ZFR: variants seen among roughly 807,000 people sequenced by gnomAD.
The protein encoded by ZFR is zinc finger RNA binding protein, also known as zinc finger RNA-binding protein.
In ZFR, 19 loss-of-function variants were observed where a neutral mutation model predicts 130.7. The observed-to-expected ratio is 0.15, with a 90% CI of 0.10 to 0.21. ZFR has a LOEUF of 0.21. Among genes scored for constraint, ZFR ranks in the 10% least tolerant of loss-of-function variants. The probability of loss-of-function intolerance (pLI) is 1.00; values close to 1 mark genes in which losing one functional copy is unlikely to be tolerated. For missense variants in ZFR, 872 were observed against 1,321.5 expected, an observed-to-expected ratio of 0.66 and a Z score of 5.27; for synonymous variants, 466 against 456.9, an observed-to-expected ratio of 1.02 and a Z score of -0.25.
intron 19 of ZFR, among the ~76,000 whole-genome samples, chr5:32,358,436 G>A (rs1056671770): frequency 5.9e-5 from 9 of 152,168 alleles, no homozygotes; most frequent in Middle Eastern, 3.4e-3. Flanking sequence ...CTAGACTGGC[G>A]CATCACGAGG....
chr5:32,419,784 C>G, intron 3 of ZFR, 37 bp downstream of exon 3: 1 of 1,545,188 alleles, frequency 6.5e-7, no homozygotes, highest in Non-Finnish European at 8.7e-7. Flanking sequence ...CAAAGAAACC[C>G]GCACATTCAG....
intron 2 of ZFR, among the ~76,000 whole-genome samples, chr5:32,435,731 T>C (rs887091749): frequency 6.6e-6 from 1 of 152,228 alleles, no homozygotes; most frequent in African/African-American, 2.4e-5. Context: ...ACCATACTAG[T>C]AGTGTATTTT....
At chr5:32,359,194 AT>A (rs1182106085) in intron 19 of ZFR, among the ~76,000 whole-genome samples, 2 of 152,164 alleles carry the variant, frequency 1.3e-5, no homozygotes, top group Non-Finnish European at 2.9e-5. Context: ...AAACAAAAAA[AT>A]AAAACCAAAA....
At chr5:32,411,714 G>GGGGGGGGGC (rs138920140) in intron 5 of ZFR, among the ~76,000 whole-genome samples, 4 of 54,612 alleles carry the variant, frequency 7.3e-5, no homozygotes, top group Non-Finnish European at 1.3e-4. Flanking sequence ...AATTGAGGGG[G>GGGGGGGGGC]GGCGGGGAAT....
intron 14 of ZFR, 91 bp downstream of exon 14, chr5:32,387,458 C>G: frequency 6.9e-7 from 1 of 1,456,450 alleles, no homozygotes; most frequent in Non-Finnish European, 9.3e-7. Context: ...ATTTTAAAGG[C>G]TGGCTTAGGT....
At chr5:32,416,657 G>C (rs67728262) in intron 4 of ZFR, among the ~76,000 whole-genome samples, 21,337 of 149,480 alleles carry the variant, frequency 0.14, 1,807 homozygotes, top group African/African-American at 0.23. Flanking sequence ...TAGTCAGATA[G>C]TCACTATAAT....
intron 2 of ZFR, among the ~76,000 whole-genome samples, chr5:32,430,348 CTAAT>C (rs1278628859): frequency 2.0e-5 from 3 of 151,978 alleles, no homozygotes; most frequent in Non-Finnish European, 4.4e-5. Context: ...TATTGCATAA[CTAAT>C]TAAACATGGC....
intron 17 of ZFR, among the ~76,000 whole-genome samples, chr5:32,374,355 C>T (rs1222866764): frequency 2.6e-5 from 4 of 151,866 alleles, no homozygotes; most frequent in African/African-American, 9.7e-5. Flanking sequence ...AAAATACAAT[C>T]AGCCAGGCGT....
chr5:32,400,224 TA>T (rs774234156), intron 8 of ZFR, 21 bp from the exon 9 acceptor site: 17 of 1,525,306 alleles, frequency 1.1e-5, no homozygotes, highest in African/African-American at 7.1e-5. Context: ...ATCAAAAAGT[TA>T]AAAAAAATTT....
intron 17 of ZFR, among the ~76,000 whole-genome samples, chr5:32,372,398 G>T (rs1393496577): frequency 6.6e-6 from 1 of 152,102 alleles, no homozygotes; most frequent in African/African-American, 2.4e-5. Context: ...GAGGGCAGGG[G>T]ATATGTGGGA....
chr5:32,420,232 G>C, intron 2 of ZFR, 129 bp from the exon 3 acceptor site: 3 of 1,065,974 alleles, frequency 2.8e-6, no homozygotes, highest in Non-Finnish European at 2.5e-6. Flanking sequence ...GACCACAAAA[G>C]GTCAAGTACT....
chr5:32,404,944 G>C (rs1272718759), intron 6 of ZFR, among the ~76,000 whole-genome samples: 1 of 152,154 alleles, frequency 6.6e-6, no homozygotes, highest in Non-Finnish European at 1.5e-5. Context: ...AGACTCCTGA[G>C]TAGCTGGGAC....
chr5:32,444,594 G>C, intron 1 of ZFR, 28 bp downstream of exon 1: 1 of 1,477,248 alleles, frequency 6.8e-7, no homozygotes, highest in Non-Finnish European at 9.0e-7. Context: ...GGGCCGGGCA[G>C]AGGCCTCGCG....
At chr5:32,401,475 A>G (rs1208780873) in intron 8 of ZFR, among the ~76,000 whole-genome samples, 1 of 152,254 alleles carries the variant, frequency 6.6e-6, no homozygotes, top group East Asian at 1.9e-4. Flanking sequence ...TCAGAAAGAA[A>G]AGAATGACGT....
At chr5:32,404,966 G>T (rs1334561500) in intron 6 of ZFR, among the ~76,000 whole-genome samples, 1 of 152,142 alleles carries the variant, frequency 6.6e-6, no homozygotes, top group Non-Finnish European at 1.5e-5. Flanking sequence ...ACAGGTGCCT[G>T]CCACCATGCG....
intron 12 of ZFR, 151 bp downstream of exon 12, chr5:32,390,124 C>T: frequency 1.9e-6 from 2 of 1,035,108 alleles, no homozygotes; most frequent in South Asian, 1.9e-5. Flanking sequence ...CACTGCACTC[C>T]AGCCTGGGCG....
At position 32,380,176 on chromosome 5, in the gene ZFR, A is replaced by C. The variant is rs1752904064; in HGVS notation, c.2642-4T>G. On this transcript the variant is annotated splice_region_variant and splice_polypyrimidine_tract_variant and intron_variant, in intron 15 of 19. Transcript: ENST00000265069. ...TTCACCATACCCGAGGTTACATCTAAAATGGATTGAATTGGCAAAATGCAG... is the reference window on the plus strand; with the variant it reads ...TTCACCATACCCGAGGTTACATCTACAATGGATTGAATTGGCAAAATGCAG... 7 of 1,612,954 alleles carry C rather than the reference A, an allele frequency of 4.3e-6. No individual in the cohort carries two copies. Among genetic ancestry groups the C allele is most frequent in the Non-Finnish European group, 5.9e-6 (7 of 1,179,034 alleles).
intron 19 of ZFR, among the ~76,000 whole-genome samples, chr5:32,356,880 C>A (rs979669624): frequency 1.3e-5 from 2 of 152,168 alleles, no homozygotes; most frequent in African/African-American, 4.8e-5. Context: ...AAAATTTATA[C>A]TGATTAATAT....
chr5:32,397,982 C>T (rs1026139419), intron 9 of ZFR, among the ~76,000 whole-genome samples: 15 of 148,606 alleles, frequency 1.0e-4, no homozygotes, highest in African/African-American at 2.7e-4. Flanking sequence ...CTCAGCCTTC[C>T]GAGTAGCTGG....
Sources: gnomAD v4.1 joint callset for allele counts (sites outside exome capture counted in the v4.1 genomes callset) on GRCh38, gnomAD v4.1.1 for gene constraint, MANE v1.5 for transcripts, NCBI Gene and HGNC (gene_info 2026-07-23, HGNC 2026-07-21) for gene names.